Variants in CHN2 observed in about 807,000 individuals in gnomAD.
CHN2 encodes the protein beta-chimaerin.
Under a neutral mutation model 56.3 loss-of-function variants are expected in CHN2, and 35 were observed. That is an observed-to-expected ratio of 0.62 (90% CI 0.47 to 0.82). The LOEUF (loss-of-function observed/expected upper bound fraction) is 0.82. CHN2 is among the 40% of genes least tolerant of loss of function. CHN2 has a pLI of 0.00. For synonymous variants in CHN2, 210 were observed against 212.8 expected (o/e 0.99, Z 0.12); for missense variants, 491 against 580.5 (o/e 0.85, Z 1.58).
At chr7:29,281,463 G>A (rs1791710114) in intron 1 of CHN2, among the ~76,000 whole-genome samples, 1 of 152,174 alleles carries the variant, frequency 6.6e-6, no homozygotes, top group African/African-American at 2.4e-5. Context: ...ACATGTGAGT[G>A]TATCTATAGG....
intron 1 of CHN2, among the ~76,000 whole-genome samples, chr7:29,280,670 T>C (rs1225476127): frequency 1.3e-5 from 2 of 152,330 alleles, no homozygotes; most frequent in Admixed American, 6.5e-5. Flanking sequence ...AAGGCAGATG[T>C]TCAGCCATAA....
At chr7:29,443,875 AGCCT>A (rs1282582956) in intron 6 of CHN2, among the ~76,000 whole-genome samples, 2 of 152,212 alleles carry the variant, frequency 1.3e-5, no homozygotes, top group African/African-American at 4.8e-5. Context: ...CATATGGTCA[AGCCT>A]AATAAGAACT....
At chr7:29,420,117 G>A (rs1363494710) in intron 6 of CHN2, among the ~76,000 whole-genome samples, 1 of 150,340 alleles carries the variant, frequency 6.7e-6, no homozygotes, top group Admixed American at 6.6e-5. Flanking sequence ...AAAAAAAAAA[G>A]TAACAAGTGT....
At chr7:29,210,365 C>G (rs1215807460) in intron 1 of CHN2, among the ~76,000 whole-genome samples, 2 of 152,032 alleles carry the variant, frequency 1.3e-5, no homozygotes, top group Admixed American at 6.6e-5. Flanking sequence ...ATCATACAAG[C>G]CTTTTGGAAT....
intron 9 of CHN2, among the ~76,000 whole-genome samples, chr7:29,502,402 C>T (rs1353287256): frequency 6.6e-6 from 1 of 152,132 alleles, no homozygotes; most frequent in Non-Finnish European, 1.5e-5. Context: ...GAGCATGCTC[C>T]ATTCCTTCAA....
intron 1 of CHN2, among the ~76,000 whole-genome samples, chr7:29,282,626 T>C (rs1475259743): frequency 6.6e-6 from 1 of 152,246 alleles, no homozygotes; most frequent in Non-Finnish European, 1.5e-5. Flanking sequence ...AGATAAAACA[T>C]TATTTTCTGA....
intron 1 of CHN2, among the ~76,000 whole-genome samples, chr7:29,352,183 C>T (rs1235927759): frequency 6.6e-6 from 1 of 152,150 alleles, no homozygotes; most frequent in African/African-American, 2.4e-5. Context: ...TGTCTTGAGA[C>T]CTTCCCCGAG....
intron 1 of CHN2, among the ~76,000 whole-genome samples, chr7:29,276,649 C>T (rs990471562): frequency 3.3e-5 from 5 of 152,186 alleles, no homozygotes; most frequent in African/African-American, 9.6e-5. Flanking sequence ...CTTGGCACTT[C>T]GTAAGCTCCC....
chr7:29,490,922 C>T (rs1345305), intron 7 of CHN2, among the ~76,000 whole-genome samples: 120,322 of 152,182 alleles, frequency 0.79, 48,500 homozygotes, highest in African/African-American at 0.95. Flanking sequence ...AGATCCCTTT[C>T]GTATTCATAG....
intron 8 of CHN2, among the ~76,000 whole-genome samples, chr7:29,499,645 C>T (rs890761194): frequency 2.0e-5 from 3 of 152,004 alleles, no homozygotes; most frequent in Admixed American, 6.5e-5. Context: ...TAAGGTCCAG[C>T]GACAGAGAAG....
chr7:29,435,033 A>G (rs1169467905), intron 6 of CHN2, among the ~76,000 whole-genome samples: 1 of 152,212 alleles, frequency 6.6e-6, no homozygotes, highest in Admixed American at 6.5e-5. Flanking sequence ...TCAAGGCTTC[A>G]GTGAGCCAAG....
At chr7:29,182,011 G>C (rs1322598619) in intron 2 of CHN2, among the ~76,000 whole-genome samples, 1 of 152,170 alleles carries the variant, frequency 6.6e-6, no homozygotes, top group African/African-American at 2.4e-5. Context: ...CATAAATGCT[G>C]TAAATGACTT....
intron 1 of CHN2, among the ~76,000 whole-genome samples, chr7:29,284,491 T>G (rs1376054235): frequency 6.6e-6 from 1 of 152,176 alleles, no homozygotes; most frequent in African/African-American, 2.4e-5. Context: ...AAACAGCCTG[T>G]TGTGAACAGC....
chr7:29,482,788 C>T lies in CHN2; in HGVS notation c.654+2432C>T, dbSNP rs1190082005. On this transcript the variant is annotated intron_variant, in intron 7 of 12. Coordinates refer to ENST00000222792, the MANE Select transcript of CHN2 (RefSeq NM_004067.4). Reference sequence around the variant, plus strand: ...AATAGGCTTTGCTAGGTGCTGTCTGCACTTTTTTCTTTTTTTTTTTTTTTT... The same window carrying T: ...AATAGGCTTTGCTAGGTGCTGTCTGTACTTTTTTCTTTTTTTTTTTTTTTT... Among the ~76,000 whole-genome samples, 20 of 124,148 alleles carry T rather than the reference C, an allele frequency of 1.6e-4. No homozygotes were observed. The East Asian group carries it at 4.5e-3, about 28-fold the overall frequency. 81.4% of individuals were successfully genotyped at this position (124,148 alleles called of 152,430 possible).
intron 3 of CHN2, among the ~76,000 whole-genome samples, chr7:29,380,143 TAAG>T (rs375061552): frequency 7.1e-4 from 108 of 152,288 alleles, no homozygotes; most frequent in African/African-American, 2.3e-3. Context: ...TCCTTGTCTA[TAAG>T]AAGAAGGCAA....
chr7:29,278,294 C>T (rs1791393001), intron 1 of CHN2, among the ~76,000 whole-genome samples: 1 of 152,054 alleles, frequency 6.6e-6, no homozygotes, highest in Non-Finnish European at 1.5e-5. Flanking sequence ...AGGGTTTCGC[C>T]AACTTTTTCT....
chr7:29,206,103 G>A (rs1784501206), intron 1 of CHN2, among the ~76,000 whole-genome samples: 4 of 152,158 alleles, frequency 2.6e-5, no homozygotes, highest in Admixed American at 2.0e-4. Context: ...AGCTATTTTT[G>A]TTTTGTTCAC....
chr7:29,444,024 C>T (rs1365600262), intron 6 of CHN2, among the ~76,000 whole-genome samples: 3 of 152,256 alleles, frequency 2.0e-5, no homozygotes, highest in Non-Finnish European at 4.4e-5. Flanking sequence ...CATGGTTTTG[C>T]TTATAGAGCA....
chr7:29,408,409 A>T (rs969975078), intron 6 of CHN2, among the ~76,000 whole-genome samples: 1 of 151,986 alleles, frequency 6.6e-6, no homozygotes, highest in Non-Finnish European at 1.5e-5. Context: ...TCTTTCAAGG[A>T]CACCTGTCTC....
Sources: gnomAD v4.1 joint callset for allele counts (sites outside exome capture counted in the v4.1 genomes callset) on GRCh38, gnomAD v4.1.1 for gene constraint, MANE v1.5 for transcripts, NCBI Gene and HGNC (gene_info 2026-07-23, HGNC 2026-07-21) for gene names.